EFEMP1: variants seen among roughly 807,000 people sequenced by gnomAD.
The protein encoded by EFEMP1 is EGF-like fibulin extracellular matrix protein 1.
A neutral mutation model predicts 65.7 loss-of-function variants in EFEMP1; 18 were observed. That is an observed-to-expected ratio of 0.27 (90% CI 0.19 to 0.41). EFEMP1 has a LOEUF of 0.41. Among genes scored for constraint, EFEMP1 ranks in the 10% least tolerant of loss-of-function variants. The probability of loss-of-function intolerance (pLI) is 1.00; values close to 1 mark genes in which losing one functional copy is unlikely to be tolerated. For missense variants in EFEMP1, 469 were observed against 624.8 expected (o/e 0.75, Z 2.66); for synonymous variants, 237 against 219.7 (o/e 1.08, Z -0.70).
intron 9 of EFEMP1, among the ~76,000 whole-genome samples, chr2:55,872,812 C>A (rs1375185120): frequency 6.6e-6 from 1 of 151,964 alleles, no homozygotes. Context: ...CTTATCCTTT[C>A]AGTATTTTCC....
At chr2:55,876,565 A>C in intron 8 of EFEMP1, 58 bp downstream of exon 8, 1 of 1,598,940 alleles carries the variant, frequency 6.3e-7, no homozygotes, top group Non-Finnish European at 8.5e-7. Flanking sequence ...TAATCAGATA[A>C]AACAACAGCA....
chr2:55,901,970 A>G (rs1670055360), intron 5 of EFEMP1, among the ~76,000 whole-genome samples: 1 of 152,306 alleles, frequency 6.6e-6, no homozygotes, highest in South Asian at 2.1e-4. Flanking sequence ...TATGAGAAAC[A>G]GAGGCAGGAA....
At position 55,867,571 on chromosome 2, in the gene EFEMP1, A is replaced by G. The variant is rs1005118567; in HGVS notation, c.1321-337T>C. Among the ~76,000 whole-genome samples, 2 of 152,064 alleles carry G rather than the reference A, an allele frequency of 1.3e-5. No individual in the cohort carries two copies. Among genetic ancestry groups the G allele is most frequent in the Admixed American group, 1.3e-4 (2 of 15,252 alleles). ...CTTAAGTGAGAATCTGATAATTTCTAAACTTGTAAACAAAGTTGTCACTTT... is the reference window on the plus strand; with the variant it reads ...CTTAAGTGAGAATCTGATAATTTCTGAACTTGTAAACAAAGTTGTCACTTT... On this transcript the variant is annotated intron_variant, in intron 11 of 11. Coordinates refer to ENST00000355426, the MANE Select transcript of EFEMP1 (RefSeq NM_001039348.3). This position sits in a 1 kb window ranked among gnomAD's most constrained non-coding sequence, Gnocchi z 4.3.
Position 55,866,891 on chromosome 2 carries a change from C to A in EFEMP1, c.*182G>T. On this transcript the variant is annotated 3_prime_UTR_variant, in exon 12 of 12. Transcript: ENST00000355426. ...TCTAATTTACATATAGTAATAAAGA[C>A]AAACTTTGAATCTTTACATATTAAA... 1.3e-6 allele frequency: 1 copy of A among 748,742 alleles called. No homozygotes were observed. Among genetic ancestry groups the A allele is most frequent in the Non-Finnish European group, 2.1e-6 (1 of 471,980 alleles). 46.4% of individuals were successfully genotyped at this position (748,742 alleles called of 1,614,324 possible). A position where few individuals can be genotyped will look rare whatever the true frequency, so the allele number is the denominator to read the frequency against.
At position 55,877,763 on chromosome 2, in the gene EFEMP1, T is replaced by TAGGTAA; in HGVS notation, c.742_743insTTACCT (p.Asn248delinsIleThrTyr). The TAGGTAA allele has an allele frequency of 6.2e-7, 1 of 1,613,214 alleles. No homozygotes were observed. The highest frequency in any genetic ancestry group is 8.5e-7 in the Non-Finnish European group (1 of 1,179,342). On this transcript the variant is annotated protein_altering_variant, in exon 7 of 12. Coordinates refer to ENST00000355426, the MANE Select transcript of EFEMP1 (RefSeq NM_001039348.3). This position sits in a 1 kb window ranked among gnomAD's most constrained non-coding sequence, Gnocchi z 4.5. ...AGGCTTACCTACGCAGGTATAGTTGTTTGCTGCCAATTGAAACCCAGGACT... is the reference window on the plus strand; with the variant it reads ...AGGCTTACCTACGCAGGTATAGTTGTAGGTAATTGCTGCCAATTGAAACCCAGGACT...
At chr2:55,879,893 C>T (rs539383780) in intron 6 of EFEMP1, among the ~76,000 whole-genome samples, 2 of 152,126 alleles carry the variant, frequency 1.3e-5, no homozygotes, top group African/African-American at 4.8e-5. Flanking sequence ...AAAAAAGTAT[C>T]CTTCATCATA....
At chr2:55,895,268 T>C (rs1247516947) in intron 5 of EFEMP1, among the ~76,000 whole-genome samples, 3 of 152,240 alleles carry the variant, frequency 2.0e-5, no homozygotes, top group African/African-American at 7.2e-5. Flanking sequence ...GGTCTGAATC[T>C]TCACTGCCAC....
At chr2:55,894,392 G>A (rs1416850927) in intron 5 of EFEMP1, among the ~76,000 whole-genome samples, 1 of 151,960 alleles carries the variant, frequency 6.6e-6, no homozygotes, top group Non-Finnish European at 1.5e-5. Flanking sequence ...ATGTCATAGA[G>A]TTAAATGCAT....
At chr2:55,907,096 A>G (rs901040450) in intron 5 of EFEMP1, among the ~76,000 whole-genome samples, 1 of 152,238 alleles carries the variant, frequency 6.6e-6, no homozygotes, top group Non-Finnish European at 1.5e-5. Context: ...AGGTAAACAC[A>G]TGTATTCAGA....
Position 55,877,877 on chromosome 2 carries a change from G to T in EFEMP1, c.641-12C>A. ...ACATTCATCTATGTCTAGGTTATCA[G>T]GCACACACACAAAGAGAACCAAATT... On this transcript the variant is annotated splice_polypyrimidine_tract_variant and intron_variant, in intron 6 of 11. Coordinates refer to ENST00000355426, the MANE Select transcript of EFEMP1 (RefSeq NM_001039348.3). This position sits in a 1 kb window ranked among gnomAD's most constrained non-coding sequence, Gnocchi z 4.5. 1.2e-6 allele frequency: 2 copies of T among 1,612,582 alleles called. No individual in the cohort carries two copies. The highest frequency in any genetic ancestry group is 1.7e-6 in the Non-Finnish European group (2 of 1,178,950).
chr2:55,919,767 A>G lies in EFEMP1; in HGVS notation c.82-1500T>C, dbSNP rs1670850222. On this transcript the variant is annotated intron_variant, in intron 3 of 11. Coordinates refer to ENST00000355426, the MANE Select transcript of EFEMP1 (RefSeq NM_001039348.3). The surrounding 1 kb of genome is among the most constrained non-coding windows in gnomAD (Gnocchi z 4.5). ...GAACTAAATTCACTTTGTCTCTCAG[A>G]CTAATTTTTTTCTTGTTTCCCAAAC... 6.6e-6 allele frequency among the ~76,000 whole-genome samples: 1 copy of G among 152,208 alleles called. No individual in the cohort carries two copies. Among genetic ancestry groups the G allele is most frequent in the Admixed American group, 6.5e-5 (1 of 15,286 alleles).
chr2:55,881,581 AG>A, intron 6 of EFEMP1, 30 bp downstream of exon 6: 1 of 1,612,638 alleles, frequency 6.2e-7, no homozygotes. Flanking sequence ...TACTCAAGAC[AG>A]GACCGTGCTC....
At chr2:55,903,969 G>A (rs1670141101) in intron 5 of EFEMP1, among the ~76,000 whole-genome samples, 1 of 151,534 alleles carries the variant, frequency 6.6e-6, no homozygotes. Context: ...TTTTCTGCCT[G>A]TCATTTCTCT....
Position 55,922,805 on chromosome 2 carries a change from C to T in EFEMP1, c.-8+94G>A. On this transcript the variant is annotated intron_variant, in intron 2 of 11. Transcript: ENST00000355426. This position sits in a 1 kb window ranked among gnomAD's most constrained non-coding sequence, Gnocchi z 5.5. ...GTAATCCATTTCAAAGGGGACGGTG[C>T]ATTTCCTGCCCCCCAGTCCCACACC... is the stretch of plus-strand genomic sequence containing the variant. 1.0e-6 allele frequency: 1 copy of T among 953,250 alleles called. No individual in the cohort carries two copies. Among genetic ancestry groups the T allele is most frequent in the Non-Finnish European group, 1.4e-6 (1 of 731,124 alleles). 59.0% of individuals were successfully genotyped at this position (953,250 alleles called of 1,614,324 possible).
intron 8 of EFEMP1, among the ~76,000 whole-genome samples, chr2:55,875,581 C>A (rs1042718024): frequency 7.2e-5 from 11 of 152,048 alleles, no homozygotes; most frequent in African/African-American, 2.7e-4. Flanking sequence ...TCATTGCTGA[C>A]AATTTGGCTA....
intron 5 of EFEMP1, among the ~76,000 whole-genome samples, chr2:55,906,076 ATT>A (rs1558482162): frequency 6.6e-6 from 1 of 152,152 alleles, no homozygotes; most frequent in Non-Finnish European, 1.5e-5. Flanking sequence ...CTACAGAACT[ATT>A]ATTATCTGCT....
At chr2:55,881,477 G>T in intron 6 of EFEMP1, 135 bp downstream of exon 6, 3 of 1,094,420 alleles carry the variant, frequency 2.7e-6, no homozygotes, top group South Asian at 1.3e-5. Context: ...AAAATGGATT[G>T]GTAGTCTATA....
At chr2:55,876,809 C>T in intron 7 of EFEMP1, 67 bp from the exon 8 acceptor site, 2 of 961,884 alleles carry the variant, frequency 2.1e-6, no homozygotes, top group Non-Finnish European at 2.8e-6. Context: ...TATATATAGA[C>T]TTTAAACATA....
chr2:55,869,883 T>C (rs1024521783), intron 11 of EFEMP1, among the ~76,000 whole-genome samples: 2 of 152,026 alleles, frequency 1.3e-5, no homozygotes, highest in African/African-American at 2.4e-5. Flanking sequence ...ATGAACTTGC[T>C]GAGATTTTGT....
Sources: gnomAD v4.1 joint callset for allele counts (sites outside exome capture counted in the v4.1 genomes callset) on GRCh38, gnomAD v4.1.1 for gene constraint, Gnocchi (gnomAD v3.1) non-coding constraint, MANE v1.5 for transcripts, NCBI Gene and HGNC (gene_info 2026-07-23, HGNC 2026-07-21) for gene names.